CLVS1: variants seen among roughly 807,000 people sequenced by gnomAD.
CLVS1 encodes the protein clavesin-1.
CLVS1 carries 10 observed loss-of-function variants against 33.1 expected under a neutral mutation model. The ratio of observed to expected loss-of-function variants is 0.30; its 90% CI spans 0.19 to 0.51. The LOEUF is 0.51. Ranked by LOEUF, CLVS1 falls within the 20% of genes least tolerant of loss-of-function variation. CLVS1 has a pLI of 0.97. For missense variants in CLVS1, 343 were observed against 433.4 expected, an observed-to-expected ratio of 0.79 and a Z score of 1.85; for synonymous variants, 163 against 166.1, an observed-to-expected ratio of 0.98 and a Z score of 0.14.
At chr8:61,029,830 C>T in the CLVS1 span, among the ~76,000 whole-genome samples, 5 of 152,200 alleles carry the variant, frequency 3.3e-5, no homozygotes, top group Admixed American at 2.6e-4. Context: ...AGGTACACAA[C>T]AAGGATGCAG....
intron 1 of CLVS1, among the ~76,000 whole-genome samples, chr8:61,086,770 T>C (rs757842248): frequency 6.6e-6 from 1 of 152,210 alleles, no homozygotes; most frequent in Non-Finnish European, 1.5e-5. Flanking sequence ...TCTCCTACGG[T>C]TATTTTCTGG....
the CLVS1 span, among the ~76,000 whole-genome samples, chr8:61,019,362 C>A: frequency 6.6e-6 from 1 of 152,204 alleles, no homozygotes; most frequent in African/African-American, 2.4e-5. Context: ...GATGTCTAAA[C>A]TGATCCTCCT....
At chr8:61,004,083 A>G in the CLVS1 span, among the ~76,000 whole-genome samples, 1 of 152,234 alleles carries the variant, frequency 6.6e-6, no homozygotes, top group Non-Finnish European at 1.5e-5. Context: ...AGACAAACGC[A>G]TAATAAGTTC....
At chr8:61,309,431 A>C (rs1422227420) in intron 2 of CLVS1, among the ~76,000 whole-genome samples, 2 of 152,208 alleles carry the variant, frequency 1.3e-5, no homozygotes, top group Non-Finnish European at 2.9e-5. Context: ...ATCTCACAGC[A>C]GTTCTCTCAC....
intron 2 of CLVS1, among the ~76,000 whole-genome samples, chr8:61,169,583 G>T (rs1347336769): frequency 6.6e-6 from 1 of 152,168 alleles, no homozygotes; most frequent in Non-Finnish European, 1.5e-5. Flanking sequence ...TCATAGCAAA[G>T]TTCCATCCCA....
chr8:61,330,369 C>G (rs1223055886), intron 2 of CLVS1, among the ~76,000 whole-genome samples: 1 of 151,992 alleles, frequency 6.6e-6, no homozygotes, highest in Non-Finnish European at 1.5e-5. Context: ...GTGTGGGACC[C>G]CAGGTAAAAG....
At chr8:61,093,373 A>G (rs1271710790) in intron 1 of CLVS1, among the ~76,000 whole-genome samples, 2 of 152,224 alleles carry the variant, frequency 1.3e-5, no homozygotes, top group Non-Finnish European at 2.9e-5. Context: ...CTATGGCTAT[A>G]GAATTCTTCC....
intron 5 of CLVS1, among the ~76,000 whole-genome samples, chr8:61,460,765 G>A (rs1413994691): frequency 1.3e-5 from 2 of 152,204 alleles, no homozygotes; most frequent in African/African-American, 4.8e-5. Context: ...AAGAACTGTT[G>A]CCAAGACCTT....
chr8:61,164,658 T>A (rs1806820171), intron 2 of CLVS1, among the ~76,000 whole-genome samples: 1 of 152,066 alleles, frequency 6.6e-6, no homozygotes, highest in Admixed American at 6.6e-5. Context: ...CCTATGCAAA[T>A]CAGACACCAC....
intron 1 of CLVS1, among the ~76,000 whole-genome samples, chr8:61,076,998 C>T (rs1288035): frequency 1 from 152,337 of 152,352 alleles, 76,161 homozygotes; most frequent in Middle Eastern, 1. Context: ...ATGGGACTCC[C>T]GTTTTATATT....
Position 61,122,569 on chromosome 8 carries a change from A to AACACACACACACAC in CLVS1, c.-242-9171_-242-9158dup, listed in dbSNP as rs4033855. ...GAATGACATCAGCCTATATTAAGAA[A>AACACACACACACAC]ACACACACACACACACACACACACA... On this transcript the variant is annotated intron_variant, in intron 1 of 2. Transcript: ENST00000522621. 7.6e-3 allele frequency among the ~76,000 whole-genome samples: 1,095 copies of AACACACACACACAC among 144,592 alleles called. 3 individuals are homozygous for AACACACACACACAC. The highest frequency in any genetic ancestry group is 0.019 in the Admixed American group (267 of 14,242). 94.9% of individuals were successfully genotyped at this position (144,592 alleles called of 152,430 possible).
intron 5 of CLVS1, among the ~76,000 whole-genome samples, chr8:61,497,900 GT>G (rs1367520056): frequency 6.6e-6 from 1 of 152,108 alleles, no homozygotes; most frequent in African/African-American, 2.4e-5. Context: ...TATGGCATCT[GT>G]AAACTGTCAT....
At chr8:61,051,485 G>A in the CLVS1 span, among the ~76,000 whole-genome samples, 8 of 152,262 alleles carry the variant, frequency 5.3e-5, no homozygotes, top group African/African-American at 1.9e-4. Context: ...TCCCCTTGGG[G>A]ATGTGTGTCA....
At chr8:61,362,698 A>T (rs1359088817) in intron 2 of CLVS1, among the ~76,000 whole-genome samples, 1 of 152,150 alleles carries the variant, frequency 6.6e-6, no homozygotes, top group African/African-American at 2.4e-5. Context: ...CCAGTTGAAG[A>T]TCACTATTAA....
At chr8:61,081,747 C>G (rs547716036) in intron 1 of CLVS1, among the ~76,000 whole-genome samples, 2 of 152,258 alleles carry the variant, frequency 1.3e-5, no homozygotes, top group East Asian at 3.9e-4. Flanking sequence ...CTTTCTAGAT[C>G]CATGAGAGAG....
chr8:61,390,793 T>C (rs1814270938), intron 3 of CLVS1, among the ~76,000 whole-genome samples: 1 of 152,250 alleles, frequency 6.6e-6, no homozygotes, highest in Non-Finnish European at 1.5e-5. Context: ...CTCAAGGAAA[T>C]TAACATTTTA....
At chr8:61,205,238 C>G (rs1225694001) in intron 2 of CLVS1, among the ~76,000 whole-genome samples, 1 of 152,144 alleles carries the variant, frequency 6.6e-6, no homozygotes, top group Non-Finnish European at 1.5e-5. Flanking sequence ...CACCACTGTT[C>G]ATCTCCACAA....
In CLVS1 at chr8:61,281,966, C is replaced by T. The variant is rs998752562; in HGVS notation, c.-151-17711C>T. ...TAACACGCCATGAAGTTCTGTACAC[C>T]TTTTGCAATGCCTTTTGAGAAAAGT... On this transcript the variant is annotated intron_variant, in intron 2 of 2. Coordinates refer to the CLVS1 transcript ENST00000522621. Among the ~76,000 whole-genome samples the T allele has an allele frequency of 3.3e-5, 5 of 152,170 alleles. No homozygotes were observed. The South Asian group carries it at 1.0e-3, about 32-fold the overall frequency.
chr8:61,425,439 AT>A (rs1351526485), intron 3 of CLVS1, among the ~76,000 whole-genome samples: 1 of 151,768 alleles, frequency 6.6e-6, no homozygotes, highest in Non-Finnish European at 1.5e-5. Context: ...TTTAAAAAAA[AT>A]AAGTTTTATT....
Sources: allele counts gnomAD v4.1 joint callset (sites outside exome capture counted in the v4.1 genomes callset), GRCh38; gene constraint gnomAD v4.1.1; transcripts MANE v1.5; gene names NCBI Gene and HGNC (gene_info 2026-07-23, HGNC 2026-07-21).